The following L3MBTL4 variants were observed in gnomAD, a reference collection of about 807,000 sequenced individuals.
L3MBTL4 encodes L3MBTL histone methyl-lysine binding protein 4.
L3MBTL4 carries 70 observed loss-of-function variants against 84.5 expected under a neutral mutation model. That is an observed-to-expected ratio of 0.83 (90% CI 0.68 to 1.01). The LOEUF (loss-of-function observed/expected upper bound fraction) is 1.01. Ranked by LOEUF, L3MBTL4 falls within the 50% of genes least tolerant of loss-of-function variation. The probability of loss-of-function intolerance (pLI) is 0.00; values close to 1 mark genes in which losing one functional copy is unlikely to be tolerated. For missense variants in L3MBTL4, 715 were observed against 754.8 expected, an observed-to-expected ratio of 0.95 and a Z score of 0.62; for synonymous variants, 274 against 259.8, an observed-to-expected ratio of 1.05 and a Z score of -0.52.
chr18:6,037,937 T>C (rs1422254423), intron 16 of L3MBTL4, among the ~76,000 whole-genome samples: 1 of 152,110 alleles, frequency 6.6e-6, no homozygotes, highest in South Asian at 2.1e-4. Context: ...TGATGAGTAA[T>C]TGGCACTGGG....
Position 6,320,181 on chromosome 18 carries a change from C to A in L3MBTL4, c.-90-8125G>T, listed in dbSNP as rs144527105. Among the ~76,000 whole-genome samples the A allele has an allele frequency of 2.3e-3, 350 of 152,118 alleles. 1 individual carries two copies. Among genetic ancestry groups the A allele is most frequent in the African/African-American group, 8.1e-3 (337 of 41,534 alleles). ...AGAGCCATGTATGACATACTTACAG[C>A]CAACATCATACTAAATGGGGAAAAG... is the stretch of plus-strand genomic sequence containing the variant. On this transcript the variant is annotated intron_variant, in intron 1 of 18. Transcript: ENST00000317931.
chr18:6,316,241 A>G (rs1346302972), intron 1 of L3MBTL4, among the ~76,000 whole-genome samples: 1 of 152,186 alleles, frequency 6.6e-6, no homozygotes. Flanking sequence ...ATCTTCACCA[A>G]CAGCCTGAAA....
intron 3 of L3MBTL4, among the ~76,000 whole-genome samples, 184 bp from the exon 4 acceptor site, chr18:6,302,141 G>A (rs1395027665): frequency 1.3e-5 from 2 of 152,172 alleles, no homozygotes; most frequent in African/African-American, 2.4e-5. Flanking sequence ...CCATTTGGAC[G>A]TGGAAGGAAT....
intron 16 of L3MBTL4, among the ~76,000 whole-genome samples, chr18:6,056,427 AC>A (rs1202944270): frequency 1.3e-5 from 2 of 152,192 alleles, no homozygotes; most frequent in African/African-American, 4.8e-5. Flanking sequence ...GGCAGGAGGC[AC>A]TGGGCAGGAG....
intron 1 of L3MBTL4, among the ~76,000 whole-genome samples, chr18:6,375,548 G>A (rs941534004): frequency 2.0e-5 from 3 of 152,060 alleles, no homozygotes; most frequent in African/African-American, 4.8e-5. Context: ...CACAGCCAGC[G>A]CTTCCCTTAG....
intron 14 of L3MBTL4, among the ~76,000 whole-genome samples, chr18:6,133,037 G>A (rs570380543): frequency 6.6e-6 from 1 of 152,306 alleles, no homozygotes; most frequent in South Asian, 2.1e-4. Context: ...ATACCATGGT[G>A]TGACGAACTT....
rs577553309 is a variant in L3MBTL4, at chr18:5,956,875, A to T, written c.1678-488T>A. Among the ~76,000 whole-genome samples the T allele has an allele frequency of 3.0e-4, 45 of 151,722 alleles. No homozygotes were observed. In the South Asian group the frequency reaches 6.7e-3, roughly 23 times the overall value. On this transcript the variant is annotated intron_variant, in intron 18 of 18. Transcript: ENST00000317931. ...GAGTGGGCTACTATGCAGTCACCCAAAATCAACTCTCTTGAAACATTTAAT... is the reference window on the plus strand; with the variant it reads ...GAGTGGGCTACTATGCAGTCACCCATAATCAACTCTCTTGAAACATTTAAT...
At chr18:6,325,470 C>A (rs1189175297) in intron 1 of L3MBTL4, among the ~76,000 whole-genome samples, 3 of 152,134 alleles carry the variant, frequency 2.0e-5, no homozygotes, top group African/African-American at 7.2e-5. Context: ...CAGGTGCATG[C>A]CACCATGCCC....
chr18:6,403,170 A>T (rs985111825), intron 1 of L3MBTL4, among the ~76,000 whole-genome samples: 3 of 152,036 alleles, frequency 2.0e-5, no homozygotes, highest in African/African-American at 7.3e-5. Context: ...CGTATGAAAA[A>T]CCTATTTATG....
chr18:6,362,127 G>A (rs552182854), intron 1 of L3MBTL4, among the ~76,000 whole-genome samples: 16 of 99,612 alleles, frequency 1.6e-4, no homozygotes, highest in African/African-American at 7.0e-4. Context: ...GAAAAGAAAA[G>A]AGGAGAGGAG....
chr18:6,393,880 T>C (rs1486960377), intron 1 of L3MBTL4, among the ~76,000 whole-genome samples: 1 of 152,124 alleles, frequency 6.6e-6, no homozygotes, highest in Non-Finnish European at 1.5e-5. Context: ...TCACTATGAA[T>C]ATGGAGCCCT....
At chr18:6,387,205 G>A (rs1280508421) in intron 1 of L3MBTL4, among the ~76,000 whole-genome samples, 1 of 152,168 alleles carries the variant, frequency 6.6e-6, no homozygotes, top group African/African-American at 2.4e-5. Context: ...GGAACCTCCA[G>A]GGGAAGCTGA....
chr18:6,078,811 T>C (rs994901569), intron 16 of L3MBTL4, among the ~76,000 whole-genome samples: 5 of 152,182 alleles, frequency 3.3e-5, no homozygotes, highest in Non-Finnish European at 7.3e-5. Context: ...AATAATTATG[T>C]AACTCACCAT....
intron 13 of L3MBTL4, among the ~76,000 whole-genome samples, chr18:6,167,551 A>G (rs1306574772): frequency 6.6e-6 from 1 of 152,256 alleles, no homozygotes; most frequent in Non-Finnish European, 1.5e-5. Flanking sequence ...GTAATCCAAC[A>G]TATAAACAGA....
At chr18:6,056,940 T>A (rs1291335320) in intron 16 of L3MBTL4, among the ~76,000 whole-genome samples, 2 of 152,156 alleles carry the variant, frequency 1.3e-5, no homozygotes, top group Non-Finnish European at 2.9e-5. Context: ...TAGATGAACA[T>A]ATTGTTATTA....
intron 14 of L3MBTL4, among the ~76,000 whole-genome samples, chr18:6,108,141 G>A (rs1330255834): frequency 6.6e-6 from 1 of 152,114 alleles, no homozygotes; most frequent in Non-Finnish European, 1.5e-5. Flanking sequence ...TGTCACGCAT[G>A]GTCCCTGGTC....
chr18:5,993,322 C>T (rs1002971445), intron 16 of L3MBTL4, among the ~76,000 whole-genome samples: 15 of 152,196 alleles, frequency 9.9e-5, no homozygotes, highest in Middle Eastern at 3.2e-3. Context: ...TAAATCTGGG[C>T]ACAAAGCACA....
At position 6,263,994 on chromosome 18, in the gene L3MBTL4, A is replaced by G. The variant is rs764029635; in HGVS notation, c.172T>C (p.Leu58=). 5.0e-6 allele frequency: 8 copies of G among 1,614,006 alleles called. No homozygotes were observed. Among genetic ancestry groups the G allele is most frequent in the Middle Eastern group, 1.6e-4 (1 of 6,084 alleles). Residue 58 remains leucine (L), a synonymous_variant, in exon 5 of 19, where the codon TTG becomes CTG. Coordinates refer to ENST00000317931, the MANE Select transcript of L3MBTL4 (RefSeq NM_001330559.2). The stretch of plus-strand genomic sequence containing the variant: ...GCTGCGACAGCCTTCTGTTCTTTCA[A>G]GTACCACTCCCAAGACCATGCTCCC... The part of the protein sequence containing the change: ...AQGAWSWEWY[L]KEQKAVAAPV...
At chr18:6,354,512 A>C (rs1461683648) in intron 1 of L3MBTL4, among the ~76,000 whole-genome samples, 1 of 152,212 alleles carries the variant, frequency 6.6e-6, no homozygotes. Flanking sequence ...ATGGGAGAGA[A>C]TATTTGCAAA....
Sources: gnomAD v4.1 joint callset for allele counts (sites outside exome capture counted in the v4.1 genomes callset) on GRCh38, gnomAD v4.1.1 for gene constraint, MANE v1.5 for transcripts, NCBI Gene and HGNC (gene_info 2026-07-23, HGNC 2026-07-21) for gene names.